HMCN1: variants seen among roughly 807,000 people sequenced by gnomAD.
The protein encoded by HMCN1 is hemicentin-1.
In HMCN1, 321 loss-of-function variants were observed where a neutral mutation model predicts 625.9. That is an observed-to-expected ratio of 0.51 (90% CI 0.47 to 0.56). HMCN1 has a LOEUF of 0.56. HMCN1 is among the 20% of genes least tolerant of loss of function. The probability of loss-of-function intolerance (pLI) is 0.00; values close to 1 mark genes in which losing one functional copy is unlikely to be tolerated. For missense variants in HMCN1, 6,588 were observed against 6,887.3 expected, an observed-to-expected ratio of 0.96 and a Z score of 1.54; for synonymous variants, 2,425 against 2,417.6, an observed-to-expected ratio of 1.00 and a Z score of -0.09.
chr1:185,973,518 A>G (rs143114537), intron 15 of HMCN1, among the ~76,000 whole-genome samples: 1,943 of 152,178 alleles, frequency 0.013, 14 homozygotes, highest in Non-Finnish European at 0.019. Flanking sequence ...GCATGCTTTT[A>G]TCCATATCAT....
intron 74 of HMCN1, 96 bp from the exon 75 acceptor site, chr1:186,115,162 A>G: frequency 8.1e-6 from 12 of 1,482,562 alleles, no homozygotes; most frequent in Non-Finnish European, 1.1e-5. Context: ...ACTATGAGGC[A>G]AGTTAATAAT....
At chr1:186,006,392 G>A (rs1177461623) in intron 29 of HMCN1, among the ~76,000 whole-genome samples, 4 of 151,880 alleles carry the variant, frequency 2.6e-5, no homozygotes, top group Non-Finnish European at 4.4e-5. Flanking sequence ...AATATTTATG[G>A]ACTTTAAAGG....
chr1:185,877,335 T>C (rs1457039226), intron 4 of HMCN1, among the ~76,000 whole-genome samples: 53 of 139,330 alleles, frequency 3.8e-4, no homozygotes, highest in African/African-American at 1.4e-3. Flanking sequence ...TTTTTTTTTT[T>C]TTTTTTTTTT....
chr1:186,011,294 C>A (rs1653986523), intron 30 of HMCN1, among the ~76,000 whole-genome samples: 1 of 152,168 alleles, frequency 6.6e-6, no homozygotes. Context: ...ATCCGCCCAC[C>A]TCAGCCTGCC....
intron 22 of HMCN1, among the ~76,000 whole-genome samples, chr1:185,991,265 C>T (rs1475785579): frequency 1.3e-5 from 2 of 152,118 alleles, no homozygotes; most frequent in African/African-American, 4.8e-5. Flanking sequence ...CATTTCCCTA[C>T]TGCCAGTGAA....
At chr1:186,154,065 AG>A in intron 97 of HMCN1, 78 bp downstream of exon 97, 1 of 1,102,330 alleles carries the variant, frequency 9.1e-7, no homozygotes, top group Non-Finnish European at 1.4e-6. Context: ...AAGGACATTG[AG>A]GCCTACATCT....
Position 186,037,217 on chromosome 1 carries a change from C to CAAAA in HMCN1, c.5750-717_5750-716insAAAA, listed in dbSNP as rs1655892978. Among the ~76,000 whole-genome samples the CAAAA allele has an allele frequency of 2.0e-5, 3 of 151,954 alleles. No homozygotes were observed. The South Asian group carries it at 6.2e-4, about 32-fold the overall frequency. Reference sequence around the variant, plus strand: ...AACATCTTCTTCAAACAAGACAGAACCTTTAGTTCACTTGTAATTTTTTAA... The same window carrying CAAAA: ...AACATCTTCTTCAAACAAGACAGAACAAAACTTTAGTTCACTTGTAATTTTTTAA... On this transcript the variant is annotated intron_variant, in intron 36 of 106. Transcript: ENST00000271588.
At chr1:185,885,284 G>A (rs1395133027) in intron 4 of HMCN1, among the ~76,000 whole-genome samples, 8 of 151,790 alleles carry the variant, frequency 5.3e-5, no homozygotes, top group African/African-American at 1.9e-4. Flanking sequence ...AAACTCATCC[G>A]AGGAAGTACA....
chr1:185,847,621 T>C (rs1187428983), intron 2 of HMCN1, among the ~76,000 whole-genome samples: 1 of 152,178 alleles, frequency 6.6e-6, no homozygotes, highest in East Asian at 1.9e-4. Flanking sequence ...CTTGGGATTT[T>C]AACACTATCA....
At chr1:185,819,583 T>C (rs1448868734) in intron 1 of HMCN1, among the ~76,000 whole-genome samples, 1 of 152,200 alleles carries the variant, frequency 6.6e-6, no homozygotes, top group Non-Finnish European at 1.5e-5. Flanking sequence ...GGCCAGTTAT[T>C]CTTGCGGTCT....
intron 15 of HMCN1, among the ~76,000 whole-genome samples, chr1:185,970,926 C>T (rs1222372723): frequency 6.6e-6 from 1 of 152,090 alleles, no homozygotes; most frequent in African/African-American, 2.4e-5. Context: ...TCCCAAAGTG[C>T]TGGGATTACA....
intron 4 of HMCN1, among the ~76,000 whole-genome samples, chr1:185,873,599 A>G (rs553135083): frequency 1.3e-3 from 198 of 152,150 alleles, no homozygotes; most frequent in African/African-American, 4.5e-3. Context: ...ATTTCCTTTC[A>G]TATTTTATAT....
chr1:185,967,285 C>T (rs1173783085), intron 14 of HMCN1, among the ~76,000 whole-genome samples: 2 of 152,070 alleles, frequency 1.3e-5, no homozygotes, highest in Non-Finnish European at 2.9e-5. Context: ...GCTCCTTAAT[C>T]AATTAGTCTT....
chr1:185,854,073 T>C (rs1204410687), intron 2 of HMCN1, among the ~76,000 whole-genome samples: 5 of 152,222 alleles, frequency 3.3e-5, no homozygotes, highest in African/African-American at 9.6e-5. Context: ...ATGGTAAGGA[T>C]GGAGATCAAA....
At chr1:185,849,243 C>T (rs1184732531) in intron 2 of HMCN1, among the ~76,000 whole-genome samples, 2 of 152,162 alleles carry the variant, frequency 1.3e-5, no homozygotes, top group African/African-American at 4.8e-5. Flanking sequence ...ACATGCTGTT[C>T]TCGCACAGAG....
intron 1 of HMCN1, among the ~76,000 whole-genome samples, chr1:185,814,059 C>T (rs1365604261): frequency 6.6e-6 from 1 of 152,108 alleles, no homozygotes; most frequent in African/African-American, 2.4e-5. Flanking sequence ...CATATTTCCT[C>T]TGAGTGATAG....
chr1:186,104,231 A>G lies in HMCN1; in HGVS notation c.10770+563A>G, dbSNP rs1281615631. Among the ~76,000 whole-genome samples the G allele has an allele frequency of 2.0e-5, 3 of 152,164 alleles. No individual in the cohort carries two copies. In the South Asian group the frequency reaches 6.2e-4, roughly 32 times the overall value. On this transcript the variant is annotated intron_variant, in intron 69 of 106. Coordinates refer to ENST00000271588, the MANE Select transcript of HMCN1 (RefSeq NM_031935.3). ...CTAGTAAAGGCAAACCTTATGTTAC[A>G]ATTATTCTCCATCTGAGCCCTAATG...
intron 97 of HMCN1, among the ~76,000 whole-genome samples, chr1:186,156,853 C>G (rs949488424): frequency 6.6e-6 from 1 of 152,120 alleles, no homozygotes; most frequent in African/African-American, 2.4e-5. Flanking sequence ...TGAGTGCCTA[C>G]TATGTACTAA....
intron 89 of HMCN1, among the ~76,000 whole-genome samples, chr1:186,138,846 A>G (rs2102539416): frequency 6.6e-6 from 1 of 152,320 alleles, no homozygotes; most frequent in East Asian, 1.9e-4. Flanking sequence ...TACCTAGTGT[A>G]AAGAGTGTTG....
Sources: gnomAD v4.1 joint callset for allele counts (sites outside exome capture counted in the v4.1 genomes callset) on GRCh38, gnomAD v4.1.1 for gene constraint, MANE v1.5 for transcripts, NCBI Gene and HGNC (gene_info 2026-07-23, HGNC 2026-07-21) for gene names.